The following SNTG1 variants were observed in gnomAD, a reference collection of about 807,000 sequenced individuals.
SNTG1 encodes the protein syntrophin gamma 1, also known as gamma-1-syntrophin.
Under a neutral mutation model 74.7 loss-of-function variants are expected in SNTG1, and 39 were observed. The ratio of observed to expected loss-of-function variants is 0.52; its 90% confidence interval spans 0.40 to 0.68. SNTG1 has a LOEUF of 0.68. Ranked by LOEUF, SNTG1 falls within the 30% of genes least tolerant of loss-of-function variation. SNTG1 has a pLI of 0.00. For synonymous variants in SNTG1, 254 were observed against 217.1 expected, an observed-to-expected ratio of 1.17 and a Z score of -1.49; for missense variants, 685 against 609.5, an observed-to-expected ratio of 1.12 and a Z score of -1.30.
chr8:50,024,675 A>G (rs1298884956), intron 1 of SNTG1, among the ~76,000 whole-genome samples: 1 of 152,182 alleles, frequency 6.6e-6, no homozygotes, highest in African/African-American at 2.4e-5. Flanking sequence ...GTCAGAGATT[A>G]ACAATAACAA....
intron 18 of SNTG1, chr8:50,762,731 T>C: frequency 2.1e-6 from 1 of 481,132 alleles, no homozygotes; most frequent in Non-Finnish European, 4.2e-6. Context: ...CTTGCCTCCC[T>C]TTTCCATGAT....
chr8:49,934,468 T>A (rs2129361791), intron 1 of SNTG1, among the ~76,000 whole-genome samples: 1 of 152,290 alleles, frequency 6.6e-6, no homozygotes, highest in African/African-American at 2.4e-5. Flanking sequence ...TCAGCCAATT[T>A]TCAATTCAAT....
At chr8:50,337,336 G>A (rs115711665) in intron 2 of SNTG1, among the ~76,000 whole-genome samples, 1,584 of 152,280 alleles carry the variant, frequency 0.01, 30 homozygotes, top group African/African-American at 0.036. Flanking sequence ...TGATGAATTG[G>A]TGGTTGCTCA....
intron 2 of SNTG1, among the ~76,000 whole-genome samples, chr8:50,210,389 T>C (rs930088020): frequency 3.3e-5 from 5 of 152,124 alleles, no homozygotes; most frequent in African/African-American, 1.2e-4. Context: ...TCCACAAAGA[T>C]ATTCCTCGAG....
chr8:50,547,491 G>T (rs1189212788), intron 11 of SNTG1, among the ~76,000 whole-genome samples: 1 of 152,074 alleles, frequency 6.6e-6, no homozygotes, highest in African/African-American at 2.4e-5. Flanking sequence ...GATGAATTTT[G>T]TATAGTTCTT....
intron 18 of SNTG1, among the ~76,000 whole-genome samples, chr8:50,761,783 C>T (rs1042102148): frequency 2.0e-5 from 3 of 151,906 alleles, no homozygotes; most frequent in African/African-American, 7.2e-5. Flanking sequence ...TGTTTAAAGA[C>T]AATCCTAAAT....
intron 2 of SNTG1, among the ~76,000 whole-genome samples, chr8:50,190,494 G>C (rs972212601): frequency 6.6e-6 from 1 of 152,090 alleles, no homozygotes; most frequent in Non-Finnish European, 1.5e-5. Flanking sequence ...CATAGCTCCA[G>C]TTGATTTAAA....
chr8:50,256,674 A>G (rs2086897292), intron 2 of SNTG1, among the ~76,000 whole-genome samples: 1 of 152,110 alleles, frequency 6.6e-6, no homozygotes, highest in South Asian at 2.1e-4. Flanking sequence ...AAGTTATTGT[A>G]ACTTAGAAAA....
chr8:50,704,708 A>G lies in SNTG1; in HGVS notation c.1147A>G (p.Arg383Gly). 6.2e-7 allele frequency: 1 copy of G among 1,614,142 alleles called. No individual in the cohort carries two copies. The highest frequency in any genetic ancestry group is 1.1e-5 in the South Asian group (1 of 91,076). The change falls in exon 16 of 19, where the codon AGA becomes GGA. Residue 383 changes from arginine to glycine, a missense_variant. Arg to Gly is a moderately radical substitution (Grantham distance 125). Coordinates refer to ENST00000642720, the MANE Select transcript of SNTG1 (RefSeq NM_018967.5). Reference sequence around the variant, plus strand: ...GGAAAGTGACCTCGCCCAGTGGGAAAGAGCCTTCCAGACAGCAACCTTTCT... The same window carrying G: ...GGAAAGTGACCTCGCCCAGTGGGAAGGAGCCTTCCAGACAGCAACCTTTCT... Reference protein sequence around the residue: ...ELESDLAQWERAFQTATFLEV... With the variant: ...ELESDLAQWEGAFQTATFLEV...
In SNTG1 at chr8:50,679,868, T is replaced by G. The variant is rs544366373; in HGVS notation, c.1038+21205T>G. The stretch of plus-strand genomic sequence containing the variant: ...GGCATGGTATGAACTCAATTACAAC[T>G]ACATACAGTATGTAAAGGAAATTGA... On this transcript the variant is annotated intron_variant, in intron 15 of 18. Coordinates refer to ENST00000642720, the MANE Select transcript of SNTG1 (RefSeq NM_018967.5). Among the ~76,000 whole-genome samples the G allele has an allele frequency of 4.6e-4, 70 of 152,256 alleles. 1 individual carries two copies. The highest frequency in any genetic ancestry group is 4.5e-3 in the Admixed American group (69 of 15,274).
Position 50,229,345 on chromosome 8 carries a change from T to C in SNTG1, c.-28+56710T>C, listed in dbSNP as rs1464373392. 2.6e-5 allele frequency among the ~76,000 whole-genome samples: 4 copies of C among 151,632 alleles called. No individual in the cohort carries two copies. The East Asian group carries it at 7.7e-4, about 29-fold the overall frequency. ...TATACCCAAGTGTATGCTGATACAC[T>C]ATCAGAAATCCACTTTAAATATAAA... On this transcript the variant is annotated intron_variant, in intron 2 of 18. Coordinates refer to ENST00000642720, the MANE Select transcript of SNTG1 (RefSeq NM_018967.5).
chr8:50,473,800 A>C (rs2093672776), intron 8 of SNTG1, among the ~76,000 whole-genome samples: 1 of 152,154 alleles, frequency 6.6e-6, no homozygotes, highest in Admixed American at 6.6e-5. Flanking sequence ...ATGTTGAGTT[A>C]AATAAGCCAG....
chr8:50,449,014 C>T (rs2093431299), intron 5 of SNTG1, among the ~76,000 whole-genome samples: 1 of 151,830 alleles, frequency 6.6e-6, no homozygotes, highest in African/African-American at 2.4e-5. Context: ...GGCAACAGAG[C>T]GAGTCTCCTC....
In SNTG1 at chr8:50,548,947, G is replaced by A. The variant is rs546358105; in HGVS notation, c.681-4103G>A. On this transcript the variant is annotated intron_variant, in intron 11 of 18. Coordinates refer to ENST00000642720, the MANE Select transcript of SNTG1 (RefSeq NM_018967.5). ...TGCCTTCTTCATTTCACGACCAGAG[G>A]AACTGCGGGTCAGAGAGTTTCACGG... Among the ~76,000 whole-genome samples the A allele has an allele frequency of 4.7e-4, 72 of 152,254 alleles. No individual in the cohort carries two copies. The East Asian group carries it at 0.01, about 22-fold the overall frequency.
At chr8:50,495,741 C>A (rs1311733037) in intron 8 of SNTG1, among the ~76,000 whole-genome samples, 1 of 152,084 alleles carries the variant, frequency 6.6e-6, no homozygotes, top group Non-Finnish European at 1.5e-5. Context: ...CTGCCATGAC[C>A]CTGTGAGCAA....
At chr8:50,614,530 C>T (rs991485574) in intron 13 of SNTG1, among the ~76,000 whole-genome samples, 3 of 151,974 alleles carry the variant, frequency 2.0e-5, no homozygotes, top group East Asian at 3.8e-4. Context: ...GACAAATTGA[C>T]GTATAGTAGA....
chr8:50,264,130 G>A (rs1220037624), intron 2 of SNTG1, among the ~76,000 whole-genome samples: 7 of 152,130 alleles, frequency 4.6e-5, no homozygotes. Context: ...AATACTTGAA[G>A]ATGAGTTAAA....
intron 2 of SNTG1, among the ~76,000 whole-genome samples, chr8:50,349,195 T>C (rs1157332843): frequency 6.6e-6 from 1 of 152,096 alleles, no homozygotes. Flanking sequence ...AATAAGAAAA[T>C]ATTTTATGTA....
At chr8:50,055,229 A>C (rs980883732) in intron 1 of SNTG1, among the ~76,000 whole-genome samples, 2 of 152,102 alleles carry the variant, frequency 1.3e-5, no homozygotes, top group African/African-American at 4.8e-5. Context: ...AGTTGGTGAG[A>C]GAATACTTGG....
Sources: allele counts gnomAD v4.1 joint callset (sites outside exome capture counted in the v4.1 genomes callset), GRCh38; gene constraint gnomAD v4.1.1; transcripts MANE v1.5; gene names NCBI Gene and HGNC (gene_info 2026-07-23, HGNC 2026-07-21).